Variants in CYBRD1 observed in about 807,000 individuals in gnomAD.
The protein encoded by CYBRD1 is plasma membrane ascorbate-dependent reductase CYBRD1.
A neutral mutation model predicts 21.9 loss-of-function variants in CYBRD1; 14 were observed. That is an observed-to-expected ratio of 0.64 (90% CI 0.42 to 1.00). CYBRD1 has a LOEUF of 1.00. Ranked by LOEUF, CYBRD1 falls within the 50% of genes least tolerant of loss-of-function variation. The probability of loss-of-function intolerance (pLI) is 0.00; values close to 1 mark genes in which losing one functional copy is unlikely to be tolerated. For missense variants in CYBRD1, 328 were observed against 352.5 expected (o/e 0.93, Z 0.56); for synonymous variants, 146 against 136.5 (o/e 1.07, Z -0.48).
rs958973609 is a variant in CYBRD1 at position 171,522,993 on chromosome 2, C to T, written c.193+255C>T. The T allele has an allele frequency of 1.3e-5, 7 of 545,698 alleles. No individual in the cohort carries two copies. Among genetic ancestry groups the T allele is most frequent in the Non-Finnish European group, 2.2e-5 (7 of 315,668 alleles). 33.8% of individuals were successfully genotyped at this position (545,698 alleles called of 1,614,324 possible). ...GGGGGTGCGCGGTGGAGACGCGCTGCTGGGGGCGGCGGAGCGGGGCCGGCC... is the reference window on the plus strand; with the variant it reads ...GGGGGTGCGCGGTGGAGACGCGCTGTTGGGGGCGGCGGAGCGGGGCCGGCC... On this transcript the variant is annotated intron_variant, in intron 1 of 3. Transcript: ENST00000321348. The surrounding 1 kb of genome is among the most constrained non-coding windows in gnomAD (Gnocchi z 4.3).
intron 1 of CYBRD1, among the ~76,000 whole-genome samples, chr2:171,525,057 C>G (rs879562624): frequency 6.6e-6 from 1 of 152,176 alleles, no homozygotes; most frequent in Non-Finnish European, 1.5e-5. Context: ...CCTGCCCCAG[C>G]CTCCCCAGTA....
intron 2 of CYBRD1, among the ~76,000 whole-genome samples, chr2:171,545,700 AT>A (rs1329408063): frequency 6.6e-6 from 1 of 151,638 alleles, no homozygotes. Context: ...ATGTTTATTT[AT>A]TTTTTAATTG....
chr2:171,522,530 G>C lies in CYBRD1; in HGVS notation c.-16G>C. ...CAAGTTCTTGTGGCCCCCGCGGTGCGGAGTATGGGGCGCTGATGGCCATGG... is the reference window on the plus strand; with the variant it reads ...CAAGTTCTTGTGGCCCCCGCGGTGCCGAGTATGGGGCGCTGATGGCCATGG... On this transcript the variant is annotated 5_prime_UTR_variant, in exon 1 of 4. Coordinates refer to ENST00000321348, the MANE Select transcript of CYBRD1 (RefSeq NM_024843.4). The surrounding 1 kb of genome is among the most constrained non-coding windows in gnomAD (Gnocchi z 4.3). The C allele has an allele frequency of 6.3e-7, 1 of 1,585,578 alleles. No individual in the cohort carries two copies. Among genetic ancestry groups the C allele is most frequent in the Non-Finnish European group, 8.6e-7 (1 of 1,167,146 alleles).
intron 2 of CYBRD1, among the ~76,000 whole-genome samples, chr2:171,543,414 C>T (rs753112375): frequency 6.6e-6 from 1 of 152,184 alleles, no homozygotes; most frequent in Non-Finnish European, 1.5e-5. Flanking sequence ...CATCTCCCTA[C>T]CAGCAATGGA....
At chr2:171,534,153 C>A (rs989658087) in intron 1 of CYBRD1, among the ~76,000 whole-genome samples, 1 of 152,162 alleles carries the variant, frequency 6.6e-6, no homozygotes, top group African/African-American at 2.4e-5. Flanking sequence ...CCATCAATAT[C>A]TTTTCTTTTA....
At chr2:171,539,164 G>C (rs767175783) in intron 1 of CYBRD1, among the ~76,000 whole-genome samples, 2 of 152,032 alleles carry the variant, frequency 1.3e-5, no homozygotes, top group Non-Finnish European at 2.9e-5. Context: ...GTGAAGTGAG[G>C]CTCCTTTTTA....
intron 1 of CYBRD1, among the ~76,000 whole-genome samples, chr2:171,532,282 GGAAGT>G (rs1273360510): frequency 1.1e-4 from 16 of 152,170 alleles, no homozygotes; most frequent in Non-Finnish European, 2.4e-4. Flanking sequence ...AAGAGGGAAG[GGAAGT>G]GTAATGAGCA....
chr2:171,533,456 G>A (rs1419656634), intron 1 of CYBRD1, among the ~76,000 whole-genome samples: 4 of 152,220 alleles, frequency 2.6e-5, no homozygotes, highest in Admixed American at 6.5e-5. Flanking sequence ...GAACAAGATA[G>A]ACATGTTCCC....
At chr2:171,528,645 T>A (rs1697418879) in intron 1 of CYBRD1, among the ~76,000 whole-genome samples, 2 of 152,226 alleles carry the variant, frequency 1.3e-5, no homozygotes, top group African/African-American at 2.4e-5. Flanking sequence ...ATCTATACAC[T>A]GAACCCTCTC....
At position 171,555,870 on chromosome 2, in the gene CYBRD1, A is replaced by AT. The variant is rs1198717700; in HGVS notation, c.*1043_*1044insT. ...GAGACTCAGATGCAGGCAGTCTGGC[A>AT]CCTCAGTCTGGATTCTAACCATTTC... is the stretch of plus-strand genomic sequence containing the variant. On this transcript the variant is annotated 3_prime_UTR_variant, in exon 4 of 4. Coordinates refer to ENST00000321348, the MANE Select transcript of CYBRD1 (RefSeq NM_024843.4). The AT allele has an allele frequency of 3.0e-4, 46 of 152,168 alleles. No homozygotes were observed. Among genetic ancestry groups the AT allele is most frequent in the Non-Finnish European group, 5.9e-5 (4 of 68,040 alleles). 9.4% of individuals were successfully genotyped at this position (152,168 alleles called of 1,614,324 possible).
intron 1 of CYBRD1, among the ~76,000 whole-genome samples, chr2:171,531,659 A>G (rs1483728210): frequency 2.6e-5 from 4 of 152,116 alleles, no homozygotes; most frequent in Non-Finnish European, 4.4e-5. Flanking sequence ...AATGTAGGTT[A>G]TATTGATCCT....
chr2:171,537,760 A>T (rs1258178833), intron 1 of CYBRD1, among the ~76,000 whole-genome samples: 1 of 152,192 alleles, frequency 6.6e-6, no homozygotes, highest in Non-Finnish European at 1.5e-5. Flanking sequence ...TAGTTTAAAA[A>T]ATAAGTTCTA....
Position 171,522,583 on chromosome 2 carries a change from T to C in CYBRD1, c.38T>C (p.Leu13Pro). 12 of 1,611,306 alleles carry C rather than the reference T, an allele frequency of 7.4e-6. No individual in the cohort carries two copies. The highest frequency in any genetic ancestry group is 1.0e-5 in the Non-Finnish European group (12 of 1,179,160). ...GGCTACTGGCGCTTCCTGGCGCTGC[T>C]GGGGTCGGCACTGCTCGTCGGCTTC... The part of the protein sequence containing the change: ...MEGYWRFLAL[L>P]GSALLVGFLS... The change falls in exon 1 of 4, where the codon CTG becomes CCG. Residue 13 changes from leucine (L) to proline (P), a missense_variant. By Grantham distance (98) the Leu-to-Pro change is moderately conservative (BLOSUM62 -3). Transcript: ENST00000321348. This position sits in a 1 kb window ranked among gnomAD's most constrained non-coding sequence, Gnocchi z 4.3.
chr2:171,555,286 C>G lies in CYBRD1; in HGVS notation c.*459C>G. The G allele has an allele frequency of 4.3e-6, 1 of 230,860 alleles. No homozygotes were observed. The highest frequency in any genetic ancestry group is 5.2e-5 in the Admixed American group (1 of 19,140). The allele number at this position is 230,860 out of a possible 1,614,324, so 14.3% of individuals were successfully genotyped here. A position where few individuals can be genotyped will look rare whatever the true frequency, so the allele number is the denominator to read the frequency against. ...GGAATATCTGGGACAGGGTTTAGAT[C>G]ATGACTCTACACAGATACCATGATG... On this transcript the variant is annotated 3_prime_UTR_variant, in exon 4 of 4. Coordinates refer to ENST00000321348, the MANE Select transcript of CYBRD1 (RefSeq NM_024843.4).
rs555089005 is a variant in CYBRD1, at chr2:171,533,235, T to G, written c.194-8350T>G. On this transcript the variant is annotated intron_variant, in intron 1 of 3. Transcript: ENST00000321348. ...TACAAAAATTAGCCGGGCATGGTAG[T>G]GCTGGTCTGTAATCCCAGCTACTCT... 2.6e-5 allele frequency among the ~76,000 whole-genome samples: 4 copies of G among 152,182 alleles called. No individual in the cohort carries two copies. The South Asian group carries it at 8.3e-4, about 32-fold the overall frequency.
intron 2 of CYBRD1, among the ~76,000 whole-genome samples, chr2:171,552,261 T>C (rs1683389042): frequency 6.6e-6 from 1 of 152,242 alleles, no homozygotes; most frequent in Non-Finnish European, 1.5e-5. Context: ...TACCAATGTT[T>C]TTCACCATCT....
intron 1 of CYBRD1, among the ~76,000 whole-genome samples, chr2:171,524,509 T>G (rs1345035629): frequency 6.6e-6 from 1 of 152,222 alleles, no homozygotes; most frequent in Non-Finnish European, 1.5e-5. Flanking sequence ...ACAAGTGTTA[T>G]TGCTCGTTGC....
Position 171,556,357 on chromosome 2 carries a change from G to C in CYBRD1, c.*1530G>C, listed in dbSNP as rs1401510150. ...GTTCTCAGTAGTGAATTGAGACTTG[G>C]AGGTGACTTTTCATGTTTGGAGTAT... On this transcript the variant is annotated 3_prime_UTR_variant, in exon 4 of 4. Coordinates refer to ENST00000321348, the MANE Select transcript of CYBRD1 (RefSeq NM_024843.4). The C allele has an allele frequency of 6.6e-6, 1 of 152,128 alleles. No individual in the cohort carries two copies. Among genetic ancestry groups the C allele is most frequent in the African/African-American group, 2.4e-5 (1 of 41,414 alleles). The allele number at this position is 152,128 out of a possible 1,614,324, so 9.4% of individuals were successfully genotyped here.
At position 171,548,494 on chromosome 2, in the gene CYBRD1, C is replaced by T. The variant is rs538160595; in HGVS notation, c.403-4852C>T. 2.2e-4 allele frequency among the ~76,000 whole-genome samples: 34 copies of T among 151,968 alleles called. No homozygotes were observed. The South Asian group carries it at 6.7e-3, about 30-fold the overall frequency. ...GTCTTGTGTAGCATTCCCAACACTC[C>T]GAACATCTGGGTCATAAGAGGGGCA... On this transcript the variant is annotated intron_variant, in intron 2 of 3. Coordinates refer to ENST00000321348, the MANE Select transcript of CYBRD1 (RefSeq NM_024843.4).
Sources: gnomAD v4.1 joint callset for allele counts (sites outside exome capture counted in the v4.1 genomes callset) on GRCh38, gnomAD v4.1.1 for gene constraint, Gnocchi (gnomAD v3.1) non-coding constraint, MANE v1.5 for transcripts, NCBI Gene and HGNC (gene_info 2026-07-23, HGNC 2026-07-21) for gene names.